Variants in CDHR1 observed in about 807,000 individuals in gnomAD.
CDHR1 encodes the protein cadherin related family member 1.
A neutral mutation model predicts 72.1 loss-of-function variants in CDHR1; 61 were observed. That is an observed-to-expected ratio of 0.85 (90% CI 0.69 to 1.05). The LOEUF is 1.05. Among genes scored for constraint, CDHR1 ranks in the 50% least tolerant of loss-of-function variants. The pLI is 0.00. For synonymous variants in CDHR1, 470 were observed against 448.1 expected (o/e 1.05, Z -0.62); for missense variants, 1,186 against 1,115.7 (o/e 1.06, Z -0.90).
Position 84,218,253 on chromosome 10 carries a change from T to C in CDHR1, c.*3632T>C. Reference sequence around the variant, plus strand: ...GGGAGGGGTTCTCTGAAGGGCCTAGTTTCCAGAATGAGGCGGTCATGGCTT... The same window carrying C: ...GGGAGGGGTTCTCTGAAGGGCCTAGCTTCCAGAATGAGGCGGTCATGGCTT... On this transcript the variant is annotated 3_prime_UTR_variant, in exon 17 of 17. Transcript: ENST00000623527. The C allele has an allele frequency of 8.1e-6, 8 of 985,398 alleles. No homozygotes were observed. Among genetic ancestry groups the C allele is most frequent in the Non-Finnish European group, 8.4e-6 (7 of 829,924 alleles). The allele number at this position is 985,398 out of a possible 1,614,324, so 61.0% of individuals were successfully genotyped here. A position where few individuals can be genotyped will look rare whatever the true frequency, so the allele number is the denominator to read the frequency against.
At chr10:84,199,175 C>A in intron 5 of CDHR1, 54 bp downstream of exon 5, 1 of 1,437,834 alleles carries the variant, frequency 7.0e-7, no homozygotes, top group Non-Finnish European at 9.6e-7. Context: ...CCATAGCCTA[C>A]CCCTGGGGCT....
chr10:84,208,116 C>G, intron 10 of CDHR1, 58 bp from the exon 11 acceptor site: 2 of 1,441,016 alleles, frequency 1.4e-6, no homozygotes, highest in Non-Finnish European at 2.0e-6. Context: ...GAGGTAGGAG[C>G]TGGACCATAT....
rs1180634974 is a variant in CDHR1 at position 84,216,503 on chromosome 10, A to G, written c.*1882A>G. 2.0e-6 allele frequency: 2 copies of G among 985,408 alleles called. No individual in the cohort carries two copies. Among genetic ancestry groups the G allele is most frequent in the Non-Finnish European group, 2.4e-6 (2 of 829,986 alleles). 61.0% of individuals were successfully genotyped at this position (985,408 alleles called of 1,614,324 possible). Reference sequence around the variant, plus strand: ...CAATCAACCTCTTTTGTAAATGGAAAATAAAGTCTGTTACCCAAAGGCCAT... The same window carrying G: ...CAATCAACCTCTTTTGTAAATGGAAGATAAAGTCTGTTACCCAAAGGCCAT... On this transcript the variant is annotated 3_prime_UTR_variant, in exon 17 of 17. Transcript: ENST00000623527.
In CDHR1 at chr10:84,216,536, C is replaced by G. The variant is rs41291362; in HGVS notation, c.*1915C>G. ...CTGTTACCCAAAGGCCATGCTGATC[C>G]CCTGCTCCCTGCTTTCATTTATGTT... On this transcript the variant is annotated 3_prime_UTR_variant, in exon 17 of 17. Transcript: ENST00000623527. 12,962 of 985,460 alleles carry G rather than the reference C, an allele frequency of 0.013. 98 individuals are homozygous for G. Among genetic ancestry groups the G allele is most frequent in the Non-Finnish European group, 0.015 (12,137 of 829,936 alleles). 61.0% of individuals were successfully genotyped at this position (985,460 alleles called of 1,614,324 possible). A position where few individuals can be genotyped will look rare whatever the true frequency, so the allele number is the denominator to read the frequency against.
Position 84,217,232 on chromosome 10 carries a change from C to T in CDHR1, c.*2611C>T, listed in dbSNP as rs1842440280. On this transcript the variant is annotated 3_prime_UTR_variant, in exon 17 of 17. Transcript: ENST00000623527. ...CTAGGTCCCAGTAGGACAGGCAGAG[C>T]TCCAGGCTGGCACCATGGTAGGCCT... The T allele has an allele frequency of 1.0e-6, 1 of 985,356 alleles. No individual in the cohort carries two copies. The highest frequency in any genetic ancestry group is 1.1e-4 in the East Asian group (1 of 8,820). The allele number at this position is 985,356 out of a possible 1,614,324, so 61.0% of individuals were successfully genotyped here.
chr10:84,216,074 T>A lies in CDHR1; in HGVS notation c.*1453T>A, dbSNP rs1285225350. On this transcript the variant is annotated 3_prime_UTR_variant, in exon 17 of 17. Transcript: ENST00000623527. ...CAGAAGTCATACAAGGCCTCTGGGG[T>A]TAATACAAATAGGTTGTGCCCTGCT... 2 of 985,230 alleles carry A rather than the reference T, an allele frequency of 2.0e-6. No individual in the cohort carries two copies. The highest frequency in any genetic ancestry group is 1.2e-4 in the Admixed American group (2 of 16,244). 61.0% of individuals were successfully genotyped at this position (985,230 alleles called of 1,614,324 possible). A position where few individuals can be genotyped will look rare whatever the true frequency, so the allele number is the denominator to read the frequency against.
At position 84,213,292 on chromosome 10, in the gene CDHR1, G is replaced by C. The variant is rs1427399424; in HGVS notation, c.1984G>C (p.Gly662Arg). 1.9e-6 allele frequency: 3 copies of C among 1,614,228 alleles called. No homozygotes were observed. In the South Asian group the frequency reaches 3.3e-5, roughly 18 times the overall value. ...WSLEVQAKDR[G>R]SPSFSTTALL... ...CCTAGAGGTGCAGGCCAAGGACCGGGGCTCCCCATCCTTCAGCACCACAGC... is the reference window on the plus strand; with the variant it reads ...CCTAGAGGTGCAGGCCAAGGACCGGCGCTCCCCATCCTTCAGCACCACAGC... Residue 662 changes from glycine (G) to arginine (R), a missense_variant, in exon 16 of 17, where the codon GGC (glycine) becomes CGC (arginine). By Grantham distance (125) the Gly-to-Arg change is moderately radical (BLOSUM62 -2). Coordinates refer to ENST00000623527, the MANE Select transcript of CDHR1 (RefSeq NM_033100.4).
chr10:84,205,957 C>A (rs1268411389), intron 10 of CDHR1, 30 bp downstream of exon 10: 3 of 1,542,554 alleles, frequency 1.9e-6, no homozygotes, highest in Non-Finnish European at 2.7e-6. Flanking sequence ...GTCTTCCCTG[C>A]CCACCTTTGG....
chr10:84,214,895 A>C lies in CDHR1; in HGVS notation c.*274A>C. ...TACTCAAATCCTTGGCACTACTACA[A>C]TGCCCTCCATTCTTCAGGGCTGAGA... On this transcript the variant is annotated 3_prime_UTR_variant, in exon 17 of 17. Transcript: ENST00000623527. The C allele has an allele frequency of 8.7e-6, 12 of 1,386,882 alleles. No individual in the cohort carries two copies. Among genetic ancestry groups the C allele is most frequent in the East Asian group, 5.7e-5 (2 of 34,940 alleles). 85.9% of individuals were successfully genotyped at this position (1,386,882 alleles called of 1,614,324 possible). A position where few individuals can be genotyped will look rare whatever the true frequency, so the allele number is the denominator to read the frequency against.
intron 10 of CDHR1, 31 bp from the exon 11 acceptor site, chr10:84,208,143 A>G: frequency 6.2e-7 from 1 of 1,602,696 alleles, no homozygotes; most frequent in African/African-American, 1.3e-5. Flanking sequence ...TCCACCTGCC[A>G]CACAGCCATA....
chr10:84,205,632 A>T, intron 9 of CDHR1, 195 bp from the exon 10 acceptor site: 2 of 635,822 alleles, frequency 3.1e-6, no homozygotes, highest in Admixed American at 2.3e-5. Context: ...TTCAAGTCCC[A>T]GATCTGCACT....
rs1842398730 is a variant in CDHR1, at chr10:84,214,643, T to C, written c.*22T>C. ...CTAGTGTATGCCCTATGACCCCCCA[T>C]CTTTCCTCCGCCCCTGACCCCCACC... On this transcript the variant is annotated 3_prime_UTR_variant, in exon 17 of 17. Transcript: ENST00000623527. 1 of 1,599,104 alleles carries C rather than the reference T, an allele frequency of 6.3e-7. No homozygotes were observed. Among genetic ancestry groups the C allele is most frequent in the Non-Finnish European group, 8.5e-7 (1 of 1,179,612 alleles).
chr10:84,210,197 A>C (rs943543568), intron 12 of CDHR1, among the ~76,000 whole-genome samples: 1 of 152,096 alleles, frequency 6.6e-6, no homozygotes, highest in African/African-American at 2.4e-5. Context: ...TCCTGCCTGG[A>C]AATAGAGCCA....
chr10:84,213,377 G>A, intron 16 of CDHR1, 29 bp downstream of exon 16: 1 of 1,613,892 alleles, frequency 6.2e-7, no homozygotes, highest in Non-Finnish European at 8.5e-7. Flanking sequence ...TCAGGAAAAA[G>A]GGGTCAGCAG....
intron 3 of CDHR1, 142 bp downstream of exon 3, chr10:84,196,792 T>C: frequency 1.0e-6 from 1 of 954,998 alleles, no homozygotes; most frequent in Non-Finnish European, 1.7e-6. Flanking sequence ...ATCCACTCTG[T>C]GAGATCTCTG....
Position 84,200,632 on chromosome 10 carries a change from T to C in CDHR1, c.470T>C (p.Val157Ala). The C allele has an allele frequency of 1.2e-6, 2 of 1,612,452 alleles. No individual in the cohort carries two copies. Among genetic ancestry groups the C allele is most frequent in the Non-Finnish European group, 1.7e-6 (2 of 1,179,392 alleles). ...CCTGCTGGGAGCATCATCTTTAAGG[T>C]CCATGCAGTGGACAGGGACACAGGC... ...DIPAGSIIFK[V>A]HAVDRDTGSG... is the part of the protein sequence containing the mutation. The change falls in exon 6 of 17, where the codon GTC (valine) becomes GCC (alanine). Residue 157 changes from valine to alanine, a missense_variant. Physicochemically the swap from Val to Ala is moderately conservative, Grantham distance 64 (BLOSUM62 0). Coordinates refer to ENST00000623527, the MANE Select transcript of CDHR1 (RefSeq NM_033100.4).
At position 84,216,479 on chromosome 10, in the gene CDHR1, A is replaced by T. The variant is rs1842427788; in HGVS notation, c.*1858A>T. The T allele has an allele frequency of 1.0e-6, 1 of 985,410 alleles. No individual in the cohort carries two copies. The highest frequency in any genetic ancestry group is 1.2e-6 in the Non-Finnish European group (1 of 829,980). The allele number at this position is 985,410 out of a possible 1,614,324, so 61.0% of individuals were successfully genotyped here. Reference sequence around the variant, plus strand: ...TACAGCATCCTTACAGCTTGCATGCAATCAACCTCTTTTGTAAATGGAAAA... The same window carrying T: ...TACAGCATCCTTACAGCTTGCATGCTATCAACCTCTTTTGTAAATGGAAAA... On this transcript the variant is annotated 3_prime_UTR_variant, in exon 17 of 17. Coordinates refer to ENST00000623527, the MANE Select transcript of CDHR1 (RefSeq NM_033100.4).
chr10:84,203,648 T>A (rs1589299549), intron 8 of CDHR1, among the ~76,000 whole-genome samples: 1 of 152,300 alleles, frequency 6.6e-6, no homozygotes, highest in East Asian at 1.9e-4. Context: ...ACTCCTGACC[T>A]CAGGTGATCC....
At chr10:84,209,877 G>A (rs1842297410) in intron 12 of CDHR1, among the ~76,000 whole-genome samples, 3 of 152,194 alleles carry the variant, frequency 2.0e-5, no homozygotes, top group Admixed American at 6.5e-5. Flanking sequence ...CATAAAGAAA[G>A]AGATGTAAAG....
Sources: allele counts gnomAD v4.1 joint callset (sites outside exome capture counted in the v4.1 genomes callset), GRCh38; gene constraint gnomAD v4.1.1; transcripts MANE v1.5; gene names NCBI Gene and HGNC (gene_info 2026-07-23, HGNC 2026-07-21).